Variants in FIG4 observed in about 807,000 individuals in gnomAD.
FIG4 encodes the protein polyphosphoinositide phosphatase.
In FIG4, 112 loss-of-function variants were observed where a neutral mutation model predicts 118.6. The observed-to-expected ratio is 0.94, with a 90% CI of 0.81 to 1.11. The LOEUF (loss-of-function observed/expected upper bound fraction) is 1.11, where lower values mean the gene tolerates loss of function less well. Ranked by LOEUF, FIG4 falls within the 50% of genes least tolerant of loss-of-function variation. FIG4 has a pLI of 0.00. For synonymous variants in FIG4, 369 were observed against 381.2 expected (o/e 0.97, Z 0.37); for missense variants, 969 against 1,111.7 (o/e 0.87, Z 1.83).
In FIG4 at chr6:109,760,161, TCTTAG is replaced by T. The variant is rs1583695166; in HGVS notation, c.1138-79_1138-75del. 6 of 1,129,272 alleles carry T rather than the reference TCTTAG, an allele frequency of 5.3e-6. No homozygotes were observed. In the East Asian group the frequency reaches 9.6e-5, roughly 18 times the overall value. 70.0% of individuals were successfully genotyped at this position (1,129,272 alleles called of 1,614,324 possible). On this transcript the variant is annotated intron_variant, in intron 10 of 22. Coordinates refer to ENST00000230124, the MANE Select transcript of FIG4 (RefSeq NM_014845.6). ...TATATTTAAGACTTGGATTTTTTTG[TCTTAG>T]CTTAGCTTAAAAGTAAACATGTTGA...
At chr6:109,712,568 T>C (rs559513388) in intron 1 of FIG4, among the ~76,000 whole-genome samples, 2 of 152,318 alleles carry the variant, frequency 1.3e-5, no homozygotes, top group African/African-American at 4.8e-5. Flanking sequence ...ATGAAATTCT[T>C]GTAGTATGTT....
At chr6:109,736,262 A>G (rs1237460848) in intron 6 of FIG4, among the ~76,000 whole-genome samples, 1 of 152,138 alleles carries the variant, frequency 6.6e-6, no homozygotes, top group African/African-American at 2.4e-5. Flanking sequence ...AGCACTCTCA[A>G]AAAGAGGCTG....
chr6:109,722,673 C>T (rs1312484274), intron 3 of FIG4, among the ~76,000 whole-genome samples: 1 of 152,016 alleles, frequency 6.6e-6, no homozygotes, highest in Non-Finnish European at 1.5e-5. Context: ...TTCATTGCTT[C>T]TGATGAGAAG....
At chr6:109,787,277 T>C (rs1384769152) in intron 18 of FIG4, among the ~76,000 whole-genome samples, 6 of 152,208 alleles carry the variant, frequency 3.9e-5, no homozygotes, top group Non-Finnish European at 8.8e-5. Context: ...TAATTTTTTA[T>C]ATTTCACATT....
chr6:109,767,047 T>A (rs886835042), intron 15 of FIG4, 152 bp downstream of exon 15: 1 of 664,664 alleles, frequency 1.5e-6, no homozygotes, highest in East Asian at 2.7e-5. Context: ...CAGTAAATAT[T>A]TGTCCAATAA....
chr6:109,755,454 C>A (rs549824167), intron 10 of FIG4, among the ~76,000 whole-genome samples: 2 of 152,006 alleles, frequency 1.3e-5, no homozygotes, highest in South Asian at 2.1e-4. Flanking sequence ...CTTTTAGGTC[C>A]GCTTGGTGCA....
At chr6:109,814,304 A>G (rs149546941) in intron 22 of FIG4, among the ~76,000 whole-genome samples, 2,010 of 117,748 alleles carry the variant, frequency 0.017, 56 homozygotes, top group African/African-American at 0.056. Flanking sequence ...ACACCCAGCT[A>G]ATTTTTTAAT....
intron 16 of FIG4, among the ~76,000 whole-genome samples, chr6:109,784,185 C>T (rs1777886645): frequency 6.6e-6 from 1 of 152,052 alleles, no homozygotes; most frequent in East Asian, 1.9e-4. Flanking sequence ...TCCTTCCTAG[C>T]TCTCATGAAC....
At chr6:109,791,973 G>T (rs1262159733) in intron 20 of FIG4, among the ~76,000 whole-genome samples, 1 of 152,168 alleles carries the variant, frequency 6.6e-6, no homozygotes, top group Non-Finnish European at 1.5e-5. Context: ...GATAGATTGG[G>T]GGAAACAAAT....
intron 7 of FIG4, among the ~76,000 whole-genome samples, chr6:109,739,457 T>C (rs1347745191): frequency 1.3e-5 from 2 of 152,170 alleles, no homozygotes; most frequent in African/African-American, 4.8e-5. Context: ...AAGGCGTTTG[T>C]ACATTTTCCC....
chr6:109,697,150 T>C (rs1166201073), intron 1 of FIG4, among the ~76,000 whole-genome samples: 1 of 151,204 alleles, frequency 6.6e-6, no homozygotes, highest in Non-Finnish European at 1.5e-5. Context: ...TAGTCCTAGC[T>C]ACTCGGGAGG....
At chr6:109,753,968 A>G (rs1171023591) in intron 10 of FIG4, among the ~76,000 whole-genome samples, 1 of 152,304 alleles carries the variant, frequency 6.6e-6, no homozygotes, top group East Asian at 1.9e-4. Flanking sequence ...CAGAACTTCC[A>G]ACACTATGTT....
At chr6:109,763,575 T>G (rs745891324) in intron 12 of FIG4, among the ~76,000 whole-genome samples, 3 of 152,130 alleles carry the variant, frequency 2.0e-5, no homozygotes, top group Non-Finnish European at 2.9e-5. Context: ...CTTGGAAGAT[T>G]TTATTAGAAA....
chr6:109,823,534 G>A (rs1020170910), intron 22 of FIG4, among the ~76,000 whole-genome samples: 1 of 152,180 alleles, frequency 6.6e-6, no homozygotes, highest in Non-Finnish European at 1.5e-5. Flanking sequence ...TTTAATTGTA[G>A]CACATCCTAT....
At chr6:109,804,828 T>C (rs984210651) in intron 22 of FIG4, among the ~76,000 whole-genome samples, 2 of 152,178 alleles carry the variant, frequency 1.3e-5, no homozygotes, top group African/African-American at 4.8e-5. Flanking sequence ...CTATGTGGTA[T>C]TGTTAATCTA....
intron 1 of FIG4, among the ~76,000 whole-genome samples, chr6:109,699,334 A>G (rs994306103): frequency 6.6e-6 from 1 of 151,988 alleles, no homozygotes; most frequent in Non-Finnish European, 1.5e-5. Context: ...TATTTCTGAC[A>G]TTGGTGTTTT....
At chr6:109,747,993 G>T (rs947373019) in intron 10 of FIG4, among the ~76,000 whole-genome samples, 1 of 152,090 alleles carries the variant, frequency 6.6e-6, no homozygotes. Context: ...AAGGGTTCGG[G>T]CATGTGTGTA....
At chr6:109,775,286 A>C (rs941466121) in intron 15 of FIG4, among the ~76,000 whole-genome samples, 2 of 152,142 alleles carry the variant, frequency 1.3e-5, no homozygotes, top group Non-Finnish European at 2.9e-5. Context: ...CTTATATCTC[A>C]AGCTTAGTAA....
intron 6 of FIG4, 150 bp from the exon 7 acceptor site, chr6:109,738,175 A>G: frequency 2.9e-6 from 2 of 679,022 alleles, no homozygotes; most frequent in Non-Finnish European, 5.2e-6. Context: ...CTATTAACCA[A>G]GCATGTTACT....
Sources: gnomAD v4.1 joint callset for allele counts (sites outside exome capture counted in the v4.1 genomes callset) on GRCh38, gnomAD v4.1.1 for gene constraint, MANE v1.5 for transcripts, NCBI Gene and HGNC (gene_info 2026-07-23, HGNC 2026-07-21) for gene names.